Variants in SNTG1 observed in about 807,000 individuals in gnomAD.
SNTG1 encodes the protein syntrophin gamma 1, also known as gamma-1-syntrophin.
SNTG1 carries 39 observed loss-of-function variants against 74.7 expected under a neutral mutation model. That is an observed-to-expected ratio of 0.52 (90% CI 0.40 to 0.68). The LOEUF (loss-of-function observed/expected upper bound fraction) is 0.68, where lower values mean the gene tolerates loss of function less well. Ranked by LOEUF, SNTG1 falls within the 30% of genes least tolerant of loss-of-function variation. The pLI is 0.00. For synonymous variants in SNTG1, 254 were observed against 217.1 expected (o/e 1.17, Z -1.49); for missense variants, 685 against 609.5 (o/e 1.12, Z -1.30).
At chr8:50,218,700 G>T (rs1018631803) in intron 2 of SNTG1, among the ~76,000 whole-genome samples, 1 of 151,990 alleles carries the variant, frequency 6.6e-6, no homozygotes, top group African/African-American at 2.4e-5. Context: ...GTAATATAAA[G>T]TGCAGCTATA....
At chr8:49,913,091 C>T (rs1305004824) in intron 1 of SNTG1, among the ~76,000 whole-genome samples, 1 of 152,186 alleles carries the variant, frequency 6.6e-6, no homozygotes, top group Non-Finnish European at 1.5e-5. Flanking sequence ...AAGCATTCTG[C>T]TTTAATAAAA....
chr8:50,518,133 G>T (rs1424862744), intron 9 of SNTG1, among the ~76,000 whole-genome samples: 1 of 152,074 alleles, frequency 6.6e-6, no homozygotes, highest in Non-Finnish European at 1.5e-5. Flanking sequence ...AATCAAATAA[G>T]AACTCAGGAT....
chr8:50,057,081 AG>A (rs1820088369), intron 1 of SNTG1, among the ~76,000 whole-genome samples: 1 of 152,168 alleles, frequency 6.6e-6, no homozygotes. Flanking sequence ...CACAATTTCG[AG>A]GAAATATTTA....
Position 50,124,138 on chromosome 8 carries a change from C to T in SNTG1, c.-102-48423C>T, listed in dbSNP as rs2081072392. Among the ~76,000 whole-genome samples the T allele has an allele frequency of 2.1e-5, 3 of 141,318 alleles. 1 individual carries two copies. Among genetic ancestry groups the T allele is most frequent in the East Asian group, 2.0e-4 (1 of 4,886 alleles). The allele number at this position is 141,318 out of a possible 152,430, so 92.7% of individuals were successfully genotyped here. On this transcript the variant is annotated intron_variant, in intron 1 of 18. Coordinates refer to ENST00000642720, the MANE Select transcript of SNTG1 (RefSeq NM_018967.5). ...TAAAACGAGGCCATTAGGATGGTCC[C>T]TAATCCAATATGCCTTGTGTCCTTA... is the stretch of plus-strand genomic sequence containing the variant.
chr8:50,126,813 A>C (rs529209828), intron 1 of SNTG1, among the ~76,000 whole-genome samples: 1 of 152,202 alleles, frequency 6.6e-6, no homozygotes, highest in East Asian at 1.9e-4. Context: ...CATGAGCTAT[A>C]TGGGCCAGTA....
At chr8:49,935,231 G>GTGTT (rs1194995792) in intron 1 of SNTG1, among the ~76,000 whole-genome samples, 2 of 150,564 alleles carry the variant, frequency 1.3e-5, no homozygotes, top group African/African-American at 4.9e-5. Context: ...GTGTGTGTGT[G>GTGTT]TGTGTGTGTT....
chr8:49,973,520 A>T (rs1464039038), intron 1 of SNTG1, among the ~76,000 whole-genome samples: 1 of 152,170 alleles, frequency 6.6e-6, no homozygotes, highest in African/African-American at 2.4e-5. Flanking sequence ...TAATAATAAA[A>T]AAAAAAAAAG....
intron 1 of SNTG1, among the ~76,000 whole-genome samples, chr8:49,944,388 A>T (rs1034805181): frequency 1.3e-5 from 2 of 151,954 alleles, no homozygotes; most frequent in African/African-American, 4.8e-5. Context: ...GGAAAAAAAG[A>T]TATTTGCATA....
At chr8:50,074,837 C>A (rs1380376161) in intron 1 of SNTG1, among the ~76,000 whole-genome samples, 1 of 152,168 alleles carries the variant, frequency 6.6e-6, no homozygotes, top group African/African-American at 2.4e-5. Flanking sequence ...CCAACTCCCT[C>A]TGCTTGCGAG....
At chr8:50,061,759 A>C (rs4873403) in intron 1 of SNTG1, among the ~76,000 whole-genome samples, 16,743 of 152,008 alleles carry the variant, frequency 0.11, 2,351 homozygotes, top group African/African-American at 0.32. Context: ...TATATGGCTT[A>C]ATTTTTAAGG....
chr8:50,297,844 T>G (rs1391308167), intron 2 of SNTG1, among the ~76,000 whole-genome samples: 1 of 150,616 alleles, frequency 6.6e-6, no homozygotes, highest in Admixed American at 6.6e-5. Flanking sequence ...GCAAGAGAAC[T>G]GAGTTGCAGG....
At chr8:50,052,315 C>T (rs890399639) in intron 1 of SNTG1, among the ~76,000 whole-genome samples, 2 of 152,040 alleles carry the variant, frequency 1.3e-5, no homozygotes, top group Non-Finnish European at 2.9e-5. Context: ...GTGGCCAAGA[C>T]AATTCATTAA....
chr8:50,396,653 C>A (rs1351504004), intron 3 of SNTG1, among the ~76,000 whole-genome samples: 1 of 152,118 alleles, frequency 6.6e-6, no homozygotes, highest in Non-Finnish European at 1.5e-5. Context: ...TTATCTCTGC[C>A]TACTTTTTGT....
chr8:50,703,636 T>A (rs545280464), intron 15 of SNTG1, among the ~76,000 whole-genome samples: 1 of 152,190 alleles, frequency 6.6e-6, no homozygotes, highest in South Asian at 2.1e-4. Flanking sequence ...ACCAGTAACA[T>A]ATTCTTTCTT....
intron 8 of SNTG1, among the ~76,000 whole-genome samples, chr8:50,470,992 C>T (rs996351969): frequency 1.3e-5 from 2 of 152,024 alleles, no homozygotes; most frequent in Non-Finnish European, 1.5e-5. Flanking sequence ...ATTTACAAAC[C>T]TTTAGCTAGA....
intron 1 of SNTG1, among the ~76,000 whole-genome samples, chr8:49,929,268 A>G (rs923090824): frequency 6.6e-6 from 1 of 152,236 alleles, no homozygotes; most frequent in Non-Finnish European, 1.5e-5. Flanking sequence ...AGCAGGGGGC[A>G]TGGGATTCAT....
chr8:50,024,552 C>T (rs1817097003), intron 1 of SNTG1, among the ~76,000 whole-genome samples: 1 of 152,102 alleles, frequency 6.6e-6, no homozygotes, highest in South Asian at 2.1e-4. Context: ...AAACACGTTC[C>T]AGGACTTCCA....
chr8:49,954,841 G>T (rs1810020194), intron 1 of SNTG1, among the ~76,000 whole-genome samples: 3 of 151,976 alleles, frequency 2.0e-5, no homozygotes, highest in Admixed American at 2.0e-4. Flanking sequence ...AAGAAACTTT[G>T]TATTCTAGAA....
chr8:50,478,590 A>C (rs1314048957), intron 8 of SNTG1, among the ~76,000 whole-genome samples: 1 of 152,134 alleles, frequency 6.6e-6, no homozygotes, highest in Non-Finnish European at 1.5e-5. Context: ...AACTGTATCC[A>C]TTGGACATAT....
Sources: gnomAD v4.1 joint callset for allele counts (sites outside exome capture counted in the v4.1 genomes callset) on GRCh38, gnomAD v4.1.1 for gene constraint, MANE v1.5 for transcripts, NCBI Gene and HGNC (gene_info 2026-07-23, HGNC 2026-07-21) for gene names.